Variants in PTPRC observed in about 807,000 individuals in gnomAD.
The protein encoded by PTPRC is receptor-type tyrosine-protein phosphatase C.
PTPRC carries 44 observed loss-of-function variants against 155.9 expected under a neutral mutation model. That is an observed-to-expected ratio of 0.28 (90% CI 0.22 to 0.36). The LOEUF (loss-of-function observed/expected upper bound fraction) is 0.36. Ranked by LOEUF, PTPRC falls within the 10% of genes least tolerant of loss-of-function variation. PTPRC has a pLI of 1.00. For missense variants in PTPRC, 1,401 were observed against 1,564.6 expected, an observed-to-expected ratio of 0.90 and a Z score of 1.76; for synonymous variants, 525 against 533.1, an observed-to-expected ratio of 0.98 and a Z score of 0.21.
chr1:198,739,317 T>C (rs79895976), intron 23 of PTPRC, among the ~76,000 whole-genome samples: 2 of 151,866 alleles, frequency 1.3e-5, no homozygotes, highest in East Asian at 3.9e-4. Context: ...GACCCAACAA[T>C]CTGTTGCTTA....
At chr1:198,745,844 G>T (rs1325184696) in intron 26 of PTPRC, among the ~76,000 whole-genome samples, 1 of 150,998 alleles carries the variant, frequency 6.6e-6, no homozygotes, top group Non-Finnish European at 1.5e-5. Flanking sequence ...GGAGGTGAGA[G>T]AAAGTAGTAA....
chr1:198,700,552 C>T (rs1201429895), intron 5 of PTPRC, among the ~76,000 whole-genome samples: 1 of 152,206 alleles, frequency 6.6e-6, no homozygotes, highest in Non-Finnish European at 1.5e-5. Context: ...GAAGAGCCGC[C>T]CTCACCTTCC....
rs1288038331 is a variant in PTPRC, at chr1:198,665,219, A to AG, written c.73+25884dup. ...ATTCTCCTGCCTCAGCCTCCCGAGT[A>AG]GGGGGGACTACAGGCGCCCGCCGCC... On this transcript the variant is annotated intron_variant, in intron 2 of 32. Transcript: ENST00000442510. 1.8e-4 allele frequency among the ~76,000 whole-genome samples: 27 copies of AG among 148,692 alleles called. No individual in the cohort carries two copies. The South Asian group carries it at 5.8e-3, about 32-fold the overall frequency.
intron 2 of PTPRC, among the ~76,000 whole-genome samples, chr1:198,688,958 G>C (rs1665779792): frequency 6.6e-6 from 1 of 151,942 alleles, no homozygotes; most frequent in Non-Finnish European, 1.5e-5. Context: ...AGCTTCTTAG[G>C]GTTTTTGTGG....
chr1:198,653,430 A>C (rs530624347), intron 2 of PTPRC, among the ~76,000 whole-genome samples: 1 of 152,004 alleles, frequency 6.6e-6, no homozygotes, highest in Admixed American at 6.6e-5. Flanking sequence ...ATTGGAATAA[A>C]AGTTGAAATC....
rs543339529 is a variant in PTPRC at position 198,694,613 on chromosome 1, A to G, written c.101-2099A>G. On this transcript the variant is annotated intron_variant, in intron 3 of 32. Coordinates refer to ENST00000442510, the MANE Select transcript of PTPRC (RefSeq NM_002838.5). Reference sequence around the variant, plus strand: ...AAGGGATCATTGGAAGCAGGCAGACACCAGAATTGGTTTAACCTAAAAATA... The same window carrying G: ...AAGGGATCATTGGAAGCAGGCAGACGCCAGAATTGGTTTAACCTAAAAATA... The G allele has an allele frequency of 3.9e-5, 38 of 985,984 alleles. No individual in the cohort carries two copies. In the African/African-American group the frequency reaches 6.4e-4, roughly 17 times the overall value. 61.1% of individuals were successfully genotyped at this position (985,984 alleles called of 1,614,324 possible).
intron 23 of PTPRC, among the ~76,000 whole-genome samples, chr1:198,741,012 T>C (rs1464805464): frequency 6.6e-6 from 1 of 151,904 alleles, no homozygotes; most frequent in East Asian, 1.9e-4. Flanking sequence ...GTTATGTCTA[T>C]AGAGTGCTGT....
At chr1:198,668,561 A>G (rs1387171299) in intron 2 of PTPRC, among the ~76,000 whole-genome samples, 1 of 152,220 alleles carries the variant, frequency 6.6e-6, no homozygotes. Context: ...AATTAACAGT[A>G]TGAGATAGCA....
chr1:198,679,889 T>C, intron 2 of PTPRC: 1 of 616,918 alleles, frequency 1.6e-6, no homozygotes, highest in Non-Finnish European at 2.9e-6. Flanking sequence ...TCCCATGAAA[T>C]GCTGGTGGGT....
intron 2 of PTPRC, among the ~76,000 whole-genome samples, chr1:198,646,481 T>C (rs1662943238): frequency 6.6e-6 from 1 of 151,848 alleles, no homozygotes; most frequent in Admixed American, 6.6e-5. Context: ...GTTTTTTTAA[T>C]TGGTTTTGTG....
intron 2 of PTPRC, among the ~76,000 whole-genome samples, chr1:198,641,022 A>G (rs559682749): frequency 6.6e-6 from 1 of 152,128 alleles, no homozygotes; most frequent in African/African-American, 2.4e-5. Flanking sequence ...AGAAACCTTT[A>G]TATCAACTTT....
At chr1:198,653,191 G>A (rs1472932067) in intron 2 of PTPRC, among the ~76,000 whole-genome samples, 1 of 151,558 alleles carries the variant, frequency 6.6e-6, no homozygotes, top group Non-Finnish European at 1.5e-5. Context: ...GGACTTTTTT[G>A]TTAGCCTTAA....
chr1:198,641,597 C>T (rs1456865301), intron 2 of PTPRC, among the ~76,000 whole-genome samples: 4 of 152,046 alleles, frequency 2.6e-5, no homozygotes, highest in Non-Finnish European at 5.9e-5. Flanking sequence ...TCCTAATCCT[C>T]TTGCTCTGTG....
chr1:198,747,804 G>A (rs1028118846), intron 26 of PTPRC, among the ~76,000 whole-genome samples: 1 of 151,720 alleles, frequency 6.6e-6, no homozygotes, highest in Non-Finnish European at 1.5e-5. Flanking sequence ...GATCAACATC[G>A]GTCTAGTGGT....
intron 7 of PTPRC, 51 bp downstream of exon 7, chr1:198,703,423 T>C: frequency 1.9e-6 from 3 of 1,607,592 alleles, no homozygotes; most frequent in Admixed American, 1.7e-5. Context: ...TGCCTGGTGA[T>C]GTGCTCTCAC....
rs1443842854 is a variant in PTPRC, at chr1:198,723,304, TA to T, written c.1720+829del. ...GTTGTCAGCAACTTCTAGGTCTTTC[TA>T]TCTTTGCCACTTCTAGTTCTTCCTC... On this transcript the variant is annotated intron_variant, in intron 15 of 32. Coordinates refer to ENST00000442510, the MANE Select transcript of PTPRC (RefSeq NM_002838.5). 3.3e-5 allele frequency among the ~76,000 whole-genome samples: 5 copies of T among 152,118 alleles called. No homozygotes were observed. The East Asian group carries it at 9.6e-4, about 29-fold the overall frequency.
At chr1:198,729,876 C>G (rs1219290246) in intron 17 of PTPRC, among the ~76,000 whole-genome samples, 2 of 151,964 alleles carry the variant, frequency 1.3e-5, no homozygotes, top group African/African-American at 2.4e-5. Flanking sequence ...TGTGGGGAAC[C>G]AATGGACAAA....
At chr1:198,698,698 T>C (rs955499101) in intron 4 of PTPRC, among the ~76,000 whole-genome samples, 3 of 151,914 alleles carry the variant, frequency 2.0e-5, no homozygotes, top group Admixed American at 2.0e-4. Context: ...TGTGTATATA[T>C]ATATTTGTAT....
intron 2 of PTPRC, among the ~76,000 whole-genome samples, chr1:198,651,999 A>G (rs909361461): frequency 7.9e-5 from 12 of 151,840 alleles, no homozygotes; most frequent in African/African-American, 2.9e-4. Context: ...ACTAGTCTTA[A>G]TAGGGAAAAC....
Sources: allele counts gnomAD v4.1 joint callset (sites outside exome capture counted in the v4.1 genomes callset), GRCh38; gene constraint gnomAD v4.1.1; transcripts MANE v1.5; gene names NCBI Gene and HGNC (gene_info 2026-07-23, HGNC 2026-07-21).